Variants in EXOC2 observed in about 807,000 individuals in gnomAD.
The protein encoded by EXOC2 is exocyst complex component 2, also known as SEC5-like 1.
A neutral mutation model predicts 131.8 loss-of-function variants in EXOC2; 70 were observed. The observed-to-expected ratio is 0.53, with a 90% CI of 0.44 to 0.65. The LOEUF (loss-of-function observed/expected upper bound fraction) is 0.65, where lower values mean the gene tolerates loss of function less well. EXOC2 is among the 30% of genes least tolerant of loss of function. The probability of loss-of-function intolerance (pLI) is 0.00; values close to 1 mark genes in which losing one functional copy is unlikely to be tolerated. For missense variants in EXOC2, 923 were observed against 1,108.6 expected (o/e 0.83, Z 2.38); for synonymous variants, 411 against 398.4 (o/e 1.03, Z -0.38).
intron 10 of EXOC2, among the ~76,000 whole-genome samples, chr6:592,927 G>A (rs771191635): frequency 7.2e-5 from 11 of 152,132 alleles, no homozygotes; most frequent in Admixed American, 1.3e-4. Context: ...CTACTCGGGC[G>A]GCTGAGGCAG....
intron 27 of EXOC2, among the ~76,000 whole-genome samples, chr6:487,279 A>G (rs537075628): frequency 1.3e-5 from 2 of 151,670 alleles, no homozygotes; most frequent in African/African-American, 4.8e-5. Flanking sequence ...CAGGTATTAG[A>G]GAGTGGGGAG....
At chr6:688,255 T>C (rs1044681971) in intron 1 of EXOC2, among the ~76,000 whole-genome samples, 1 of 152,222 alleles carries the variant, frequency 6.6e-6, no homozygotes, top group Non-Finnish European at 1.5e-5. Flanking sequence ...CGGGTACTGA[T>C]GAGGAAAATT....
In EXOC2 at chr6:485,895, TCA is replaced by T. The variant is rs1413477332; in HGVS notation, c.*774_*775del. 2 of 152,228 alleles carry T rather than the reference TCA, an allele frequency of 1.3e-5. No homozygotes were observed. The highest frequency in any genetic ancestry group is 2.9e-5 in the Non-Finnish European group (2 of 68,046). 9.4% of individuals were successfully genotyped at this position (152,228 alleles called of 1,614,324 possible). ...AGTCTGCGACCGCCCCGCCAACACC[TCA>T]GAGTGTAACACAGTGCCCGTTACAC... On this transcript the variant is annotated 3_prime_UTR_variant, in exon 28 of 28. Coordinates refer to ENST00000230449, the MANE Select transcript of EXOC2 (RefSeq NM_018303.6).
chr6:604,396 C>T (rs1359803831), intron 7 of EXOC2, among the ~76,000 whole-genome samples: 4 of 152,182 alleles, frequency 2.6e-5, no homozygotes, highest in South Asian at 2.1e-4. Flanking sequence ...TTACTACACA[C>T]ATTACTGCTG....
chr6:660,427 C>T (rs1014569332), intron 1 of EXOC2, among the ~76,000 whole-genome samples: 3 of 152,314 alleles, frequency 2.0e-5, no homozygotes, highest in South Asian at 4.1e-4. Context: ...GGAACAGGCG[C>T]TGATATTCAC....
chr6:584,162 G>A (rs9328295), intron 11 of EXOC2, among the ~76,000 whole-genome samples: 420 of 152,222 alleles, frequency 2.8e-3, no homozygotes, highest in African/African-American at 9.3e-3. Flanking sequence ...AATTATTTGC[G>A]TGGTTCCACA....
At chr6:486,800 G>A (rs1331970740) in intron 27 of EXOC2, 36 bp from the exon 28 acceptor site, 4 of 1,563,682 alleles carry the variant, frequency 2.6e-6, no homozygotes, top group Non-Finnish European at 3.5e-6. Flanking sequence ...CAGCCCGACA[G>A]ATGGGGCGGC....
chr6:489,190 T>C (rs1763276428), intron 26 of EXOC2, 152 bp from the exon 27 acceptor site: 3 of 750,412 alleles, frequency 4.0e-6, no homozygotes, highest in Non-Finnish European at 6.2e-6. Context: ...ATAGAAAAAG[T>C]AAAAGTAAAA....
At chr6:589,266 C>T (rs981200038) in intron 11 of EXOC2, among the ~76,000 whole-genome samples, 9 of 152,126 alleles carry the variant, frequency 5.9e-5, no homozygotes, top group Non-Finnish European at 1.0e-4. Flanking sequence ...AACTGACCGT[C>T]GAGCACCCGC....
At chr6:517,171 G>A (rs1205647297) in intron 23 of EXOC2, among the ~76,000 whole-genome samples, 1 of 151,344 alleles carries the variant, frequency 6.6e-6, no homozygotes, top group African/African-American at 2.5e-5. Context: ...AGAAATAAAA[G>A]AGAAGAAGGA....
At chr6:505,886 T>C (rs1446114373) in intron 23 of EXOC2, among the ~76,000 whole-genome samples, 1 of 152,224 alleles carries the variant, frequency 6.6e-6, no homozygotes, top group African/African-American at 2.4e-5. Flanking sequence ...TGCTCACTAC[T>C]AAGTTCTGAA....
At chr6:616,889 T>C (rs7742797) in intron 6 of EXOC2, among the ~76,000 whole-genome samples, 142,368 of 151,852 alleles carry the variant, frequency 0.94, 66,797 homozygotes, top group East Asian at 1. Flanking sequence ...ACTACAGGTA[T>C]GCACTACGCC....
chr6:582,455 T>C (rs1758961432), intron 11 of EXOC2, among the ~76,000 whole-genome samples: 1 of 152,138 alleles, frequency 6.6e-6, no homozygotes. Context: ...TCATGGCCCT[T>C]AAACACCTTT....
chr6:615,418 C>G (rs893688360), intron 6 of EXOC2, among the ~76,000 whole-genome samples: 4 of 151,952 alleles, frequency 2.6e-5, no homozygotes, highest in Non-Finnish European at 5.9e-5. Context: ...TTAGATGAGT[C>G]CAAGCAATTT....
chr6:561,064 A>C (rs1367399967), intron 17 of EXOC2, among the ~76,000 whole-genome samples: 1 of 152,232 alleles, frequency 6.6e-6, no homozygotes, highest in East Asian at 1.9e-4. Context: ...TAATTGACTT[A>C]TTAAAAATAA....
intron 17 of EXOC2, 131 bp downstream of exon 17, chr6:562,653 G>T (rs1392887001): frequency 3.2e-5 from 17 of 526,956 alleles, no homozygotes; most frequent in South Asian, 6.6e-5. Flanking sequence ...TCTCTGAGAA[G>T]AAAACCTTTA....
chr6:628,909 A>T (rs564829908), intron 4 of EXOC2, among the ~76,000 whole-genome samples: 13 of 152,226 alleles, frequency 8.5e-5, no homozygotes, highest in Non-Finnish European at 1.8e-4. Flanking sequence ...TGTTTCAAAG[A>T]TGTTACCTAG....
chr6:526,755 A>G (rs992193439), intron 23 of EXOC2, among the ~76,000 whole-genome samples: 1 of 152,082 alleles, frequency 6.6e-6, no homozygotes, highest in Non-Finnish European at 1.5e-5. Context: ...TGGATTTCTA[A>G]TGGAGGCTGT....
At chr6:592,332 A>C in intron 11 of EXOC2, 137 bp downstream of exon 11, 1 of 732,450 alleles carries the variant, frequency 1.4e-6, no homozygotes, top group South Asian at 2.0e-5. Flanking sequence ...GGCCAAAAAA[A>C]CCACAAAACA....
Sources: gnomAD v4.1 joint callset for allele counts (sites outside exome capture counted in the v4.1 genomes callset) on GRCh38, gnomAD v4.1.1 for gene constraint, MANE v1.5 for transcripts, NCBI Gene and HGNC (gene_info 2026-07-23, HGNC 2026-07-21) for gene names.